ACSL6: variants seen among roughly 807,000 people sequenced by gnomAD.
ACSL6 encodes acyl-CoA synthetase long chain family member 6, also known as long-chain-fatty-acid--CoA ligase 6.
A neutral mutation model predicts 98.2 loss-of-function variants in ACSL6; 47 were observed. The observed-to-expected ratio is 0.48, with a 90% confidence interval of 0.38 to 0.61. ACSL6 has a LOEUF of 0.61. Ranked by LOEUF, ACSL6 falls within the 20% of genes least tolerant of loss-of-function variation. The pLI, the probability that ACSL6 is intolerant of heterozygous loss-of-function variation, is 0.00. For missense variants in ACSL6, 761 were observed against 913.4 expected (o/e 0.83, Z 2.15); for synonymous variants, 362 against 336.9 (o/e 1.07, Z -0.82).
At chr5:131,983,975 C>A (rs181901185) in intron 9 of ACSL6, 1 of 152,228 alleles carries the variant, frequency 6.6e-6, no homozygotes, top group African/African-American at 2.4e-5. Flanking sequence ...GAAGGCAGGT[C>A]CAAAGGTAAG....
upstream of ACSL6, chr5:132,011,826 T>G: frequency 1.3e-6 from 2 of 1,490,946 alleles, no homozygotes; most frequent in Non-Finnish European, 1.8e-6. This position sits in a 1 kb window ranked among gnomAD's most constrained non-coding sequence, Gnocchi z 5.4. Context: ...CTGACCGCGG[T>G]GTCGGAACCG....
intron 15 of ACSL6, 125 bp from the exon 16 acceptor site, chr5:131,968,153 C>T (rs1260316044): frequency 1.4e-6 from 1 of 722,552 alleles, no homozygotes; most frequent in Non-Finnish European, 2.3e-6. Flanking sequence ...AGTAACACAT[C>T]TTTAAAGGGG....
At chr5:131,992,895 C>T (rs1754600354) in intron 2 of ACSL6, among the ~76,000 whole-genome samples, 1 of 152,220 alleles carries the variant, frequency 6.6e-6, no homozygotes, top group Non-Finnish European at 1.5e-5. Context: ...ATCTTTACCA[C>T]ACCTTAGAAA....
intron 3 of ACSL6, 60 bp from the exon 4 acceptor site, chr5:131,990,224 A>C: frequency 1.3e-6 from 2 of 1,559,204 alleles, no homozygotes; most frequent in Non-Finnish European, 8.8e-7. Flanking sequence ...TGCCACCTGC[A>C]TCCGCCCATC....
chr5:132,010,713 T>C (rs1755669369), intron 1 of ACSL6, among the ~76,000 whole-genome samples: 1 of 152,042 alleles, frequency 6.6e-6, no homozygotes, highest in African/African-American at 2.4e-5. Context: ...GGAGATCCTT[T>C]AGTGGTATTA....
chr5:131,975,406 A>C, intron 10 of ACSL6: 1 of 985,128 alleles, frequency 1.0e-6, no homozygotes, highest in Non-Finnish European at 1.2e-6. Context: ...CCTGCCCCAC[A>C]CCCCATTTCT....
chr5:131,978,511 G>A (rs760108053), intron 9 of ACSL6, among the ~76,000 whole-genome samples: 4 of 152,184 alleles, frequency 2.6e-5, no homozygotes, highest in Non-Finnish European at 5.9e-5. Flanking sequence ...AGGAGAGAAG[G>A]ACCGTGCCCT....
At chr5:131,967,764 T>C (rs1351470375) in intron 16 of ACSL6, among the ~76,000 whole-genome samples, 176 bp downstream of exon 16, 1 of 152,042 alleles carries the variant, frequency 6.6e-6, no homozygotes, top group Admixed American at 6.6e-5. Context: ...CAGCACTAGC[T>C]CTTGGTTGCC....
intron 15 of ACSL6, 25 bp from the exon 16 acceptor site, chr5:131,968,053 T>G (rs776377045): frequency 1.9e-6 from 3 of 1,602,718 alleles, no homozygotes; most frequent in Non-Finnish European, 2.6e-6. Context: ...CAAGATGGCA[T>G]TTGTTAGTGT....
At position 131,951,389 on chromosome 5, in the gene ACSL6, T is replaced by C. The variant is rs774973494; in HGVS notation, c.*2845A>G. On this transcript the variant is annotated 3_prime_UTR_variant, in exon 21 of 21. Transcript: ENST00000651883. ...TACATAGGGTTTCATTTCTCATTTC[T>C]TACAAAATTAAGTGGCATTAAACAG... The C allele has an allele frequency of 9.9e-6, 2 of 201,066 alleles. No homozygotes were observed. Among genetic ancestry groups the C allele is most frequent in the African/African-American group, 4.6e-5 (2 of 43,532 alleles). The allele number at this position is 201,066 out of a possible 1,614,324, so 12.5% of individuals were successfully genotyped here.
At chr5:131,969,676 G>A (rs1375010868) in intron 15 of ACSL6, among the ~76,000 whole-genome samples, 1 of 152,184 alleles carries the variant, frequency 6.6e-6, no homozygotes, top group African/African-American at 2.4e-5. Context: ...GTGTAAAGGA[G>A]AGGCAGGTTC....
At chr5:131,981,835 C>T (rs1379845307) in intron 9 of ACSL6, 6 of 152,418 alleles carry the variant, frequency 3.9e-5, no homozygotes, top group Non-Finnish European at 8.8e-5. Context: ...ACCAGCTCCT[C>T]CACCCCACGC....
intron 13 of ACSL6, among the ~76,000 whole-genome samples, chr5:131,972,323 A>T (rs1046525477): frequency 1.3e-5 from 2 of 152,264 alleles, no homozygotes; most frequent in African/African-American, 4.8e-5. Flanking sequence ...CACAGAAAAG[A>T]AAAAGAAGAT....
intron 17 of ACSL6, among the ~76,000 whole-genome samples, chr5:131,963,186 T>C (rs1752825908): frequency 6.6e-6 from 1 of 152,202 alleles, no homozygotes; most frequent in South Asian, 2.1e-4. Flanking sequence ...AGAGCCCCTG[T>C]GACTCCTACC....
intron 20 of ACSL6, among the ~76,000 whole-genome samples, chr5:131,959,033 A>G (rs1051676644): frequency 8.2e-5 from 12 of 145,804 alleles, no homozygotes; most frequent in African/African-American, 3.0e-4. Flanking sequence ...AACCTTGCAG[A>G]AAAAAAAAAA....
At chr5:132,001,307 T>C (rs564658860) in intron 1 of ACSL6, among the ~76,000 whole-genome samples, 2 of 152,206 alleles carry the variant, frequency 1.3e-5, no homozygotes, top group African/African-American at 4.8e-5. Flanking sequence ...CCATCACACA[T>C]GTACAACCCT....
intron 7 of ACSL6, among the ~76,000 whole-genome samples, chr5:131,987,207 T>TC (rs1193275175): frequency 5.9e-5 from 9 of 151,604 alleles, no homozygotes; most frequent in Non-Finnish European, 1.2e-4. Context: ...AGACAGGGAG[T>TC]CTGAGCCCCA....
upstream of ACSL6, chr5:132,011,813 G>C: frequency 1.4e-6 from 2 of 1,479,272 alleles, no homozygotes; most frequent in Non-Finnish European, 9.0e-7. The surrounding 1 kb of genome is among the most constrained non-coding windows in gnomAD (Gnocchi z 5.4). Context: ...GGCTTGCCCC[G>C]CACTGACCGC....
intron 1 of ACSL6, among the ~76,000 whole-genome samples, chr5:132,010,327 T>C (rs1018936971): frequency 6.6e-6 from 1 of 152,202 alleles, no homozygotes; most frequent in South Asian, 2.1e-4. Flanking sequence ...CACTTAGCAT[T>C]GGTTGATCAA....
Sources: allele counts gnomAD v4.1 joint callset (sites outside exome capture counted in the v4.1 genomes callset), GRCh38; gene constraint gnomAD v4.1.1; non-coding constraint Gnocchi (gnomAD v3.1); transcripts MANE v1.5; gene names NCBI Gene and HGNC (gene_info 2026-07-23, HGNC 2026-07-21).